FAH: variants seen among roughly 807,000 people sequenced by gnomAD.
FAH encodes fumarylacetoacetase.
Under a neutral mutation model 55.8 loss-of-function variants are expected in FAH, and 47 were observed. That is an observed-to-expected ratio of 0.84 (90% confidence interval 0.67 to 1.07). FAH has a LOEUF of 1.07. FAH is among the 50% of genes least tolerant of loss of function. FAH has a pLI of 0.00. For missense variants in FAH, 495 were observed against 545.9 expected (o/e 0.91, Z 0.93); for synonymous variants, 199 against 207.7 (o/e 0.96, Z 0.36).
intron 8 of FAH, 130 bp downstream of exon 8, chr15:80,172,378 C>A: frequency 1.4e-6 from 1 of 698,844 alleles, no homozygotes; most frequent in Non-Finnish European, 2.5e-6. Context: ...GAGTGGGGGT[C>A]TGGGTATCAA....
At position 80,182,031 on chromosome 15, in the gene FAH, A is replaced by C. The variant is rs554555468; in HGVS notation, c.1180+872A>C. Among the ~76,000 whole-genome samples, 141 of 152,330 alleles carry C rather than the reference A, an allele frequency of 9.3e-4. 1 individual carries two copies. Among genetic ancestry groups the C allele is most frequent in the Non-Finnish European group, 1.7e-3 (116 of 68,032 alleles). On this transcript the variant is annotated intron_variant, in intron 13 of 13. Transcript: ENST00000561421. ...TTCTCTCACAGCTCTATAAGGTACA[A>C]GTTCAAAATCCTCGTGTTGGCAGTG...
chr15:80,152,973 C>G, upstream of FAH: 1 of 1,266,404 alleles, frequency 7.9e-7, no homozygotes, highest in Non-Finnish European at 1.1e-6. Context: ...GGGGCGGGGC[C>G]GGGCCTGACC....
intron 7 of FAH, 71 bp downstream of exon 7, chr15:80,168,387 C>T (rs2041214112): frequency 3.3e-6 from 5 of 1,523,284 alleles, no homozygotes; most frequent in South Asian, 1.1e-5. Flanking sequence ...TGGGATGGCT[C>T]CCCGCACCAT....
chr15:80,178,392 A>G (rs1048353105), intron 11 of FAH, among the ~76,000 whole-genome samples: 1 of 152,030 alleles, frequency 6.6e-6, no homozygotes, highest in Non-Finnish European at 1.5e-5. Flanking sequence ...GACCTCTGCT[A>G]CCATGTATTA....
chr15:80,164,667 G>T (rs2041177114), intron 5 of FAH, among the ~76,000 whole-genome samples: 1 of 152,198 alleles, frequency 6.6e-6, no homozygotes, highest in Admixed American at 6.5e-5. Flanking sequence ...CAGGGGAGTG[G>T]CCGGGTGGGG....
At chr15:80,186,059 G>A in intron 13 of FAH, 71 bp from the exon 14 acceptor site, 3 of 1,251,856 alleles carry the variant, frequency 2.4e-6, no homozygotes, top group Admixed American at 3.4e-5. Context: ...GACGGGCACT[G>A]CCGCTGCCTA....
At chr15:80,177,695 C>G (rs755037932) in intron 11 of FAH, 112 bp downstream of exon 11, 1 of 1,018,182 alleles carries the variant, frequency 9.8e-7, no homozygotes, top group East Asian at 2.4e-5. Context: ...GATGGGTCAG[C>G]CTGTGGGCCT....
chr15:80,179,178 C>CT (rs1268003408), intron 11 of FAH, among the ~76,000 whole-genome samples: 1 of 152,174 alleles, frequency 6.6e-6, no homozygotes, highest in Non-Finnish European at 1.5e-5. Flanking sequence ...CTCGTCAGCT[C>CT]TGGTGGTGTT....
At chr15:80,173,223 C>G in intron 9 of FAH, 79 bp downstream of exon 9, 1 of 1,573,096 alleles carries the variant, frequency 6.4e-7, no homozygotes, top group Non-Finnish European at 8.7e-7. Flanking sequence ...GTGGACATGC[C>G]AGGCATGCAG....
chr15:80,183,291 C>T (rs2041345133), intron 13 of FAH, among the ~76,000 whole-genome samples: 1 of 152,176 alleles, frequency 6.6e-6, no homozygotes, highest in South Asian at 2.1e-4. Context: ...GAGAGGCATA[C>T]ATTATGTGTT....
chr15:80,181,873 G>A (rs541290492), intron 13 of FAH, among the ~76,000 whole-genome samples: 4 of 152,138 alleles, frequency 2.6e-5, no homozygotes, highest in Non-Finnish European at 5.9e-5. Context: ...TTAGCCTCCC[G>A]AGTAGCTGGG....
chr15:80,186,347 G>A lies in FAH; in HGVS notation c.*138G>A, dbSNP rs374613273. The A allele has an allele frequency of 7.9e-5, 58 of 733,650 alleles. No homozygotes were observed. Among genetic ancestry groups the A allele is most frequent in the Admixed American group, 4.4e-4 (22 of 50,300 alleles). 45.4% of individuals were successfully genotyped at this position (733,650 alleles called of 1,614,324 possible). A position where few individuals can be genotyped will look rare whatever the true frequency, so the allele number is the denominator to read the frequency against. ...ATTGTGCTCTGAGGCCTGCACTGCC[G>A]CAGATGCAGCTGTGTCCACTTATGA... On this transcript the variant is annotated 3_prime_UTR_variant, in exon 14 of 14. Transcript: ENST00000561421.
Position 80,172,143 on chromosome 15 carries a change from T to G in FAH, c.607-6T>G, listed in dbSNP as rs80338896. Reference sequence around the variant, plus strand: ...CCAGATTCTAATGAACTCTCCCCCATGTAAGGCTTTTTTTGTAGGCCCTGG... The same window carrying G: ...CCAGATTCTAATGAACTCTCCCCCAGGTAAGGCTTTTTTTGTAGGCCCTGG... On this transcript the variant is annotated splice_region_variant and splice_polypyrimidine_tract_variant and intron_variant, in intron 7 of 13. Coordinates refer to ENST00000561421, the MANE Select transcript of FAH (RefSeq NM_000137.4). The G allele has an allele frequency of 6.2e-7, 1 of 1,609,642 alleles. No individual in the cohort carries two copies.
At chr15:80,168,230 C>T in intron 6 of FAH, 34 bp from the exon 7 acceptor site, 1 of 1,605,890 alleles carries the variant, frequency 6.2e-7, no homozygotes, top group Non-Finnish European at 8.5e-7. Context: ...TCACTCACAG[C>T]ACCGTTTTTT....
intron 5 of FAH, among the ~76,000 whole-genome samples, chr15:80,166,639 T>TC (rs202244731): frequency 7.7e-4 from 112 of 146,386 alleles, no homozygotes; most frequent in East Asian, 6.9e-3. Context: ...CATTTTCTTT[T>TC]TTTTTTTTTT....
chr15:80,186,904 T>A (rs2041375914), downstream of FAH: 1 of 157,764 alleles, frequency 6.3e-6, no homozygotes, highest in Admixed American at 5.9e-5. Flanking sequence ...AATATTTGGG[T>A]ACCTTAGTCT....
chr15:80,157,823 T>G, intron 1 of FAH: 2 of 565,116 alleles, frequency 3.5e-6, no homozygotes, highest in Non-Finnish European at 6.3e-6. Context: ...GTCCAAGGGA[T>G]ATTTGATTTC....
chr15:80,166,713 T>C (rs374073076), intron 5 of FAH, among the ~76,000 whole-genome samples: 5 of 146,210 alleles, frequency 3.4e-5, no homozygotes, highest in South Asian at 4.5e-4. Flanking sequence ...CTCGGCTCAC[T>C]GCAAGCTTCG....
intron 7 of FAH, 98 bp downstream of exon 7, chr15:80,168,414 T>A: frequency 8.1e-7 from 1 of 1,229,332 alleles, no homozygotes; most frequent in Non-Finnish European, 1.2e-6. Context: ...CCCACTCCCC[T>A]CCTCTTCAGC....
Sources: allele counts gnomAD v4.1 joint callset (sites outside exome capture counted in the v4.1 genomes callset), GRCh38; gene constraint gnomAD v4.1.1; transcripts MANE v1.5; gene names NCBI Gene and HGNC (gene_info 2026-07-23, HGNC 2026-07-21).